The following TP53I11 variants were observed in gnomAD, a reference collection of about 807,000 sequenced individuals.
TP53I11 encodes the protein tumor protein p53-inducible protein 11.
A neutral mutation model predicts 23.3 loss-of-function variants in TP53I11; 9 were observed. The observed-to-expected ratio is 0.39, with a 90% confidence interval of 0.23 to 0.67. The LOEUF (loss-of-function observed/expected upper bound fraction) is 0.67. Among genes scored for constraint, TP53I11 ranks in the 30% least tolerant of loss-of-function variants. The pLI is 0.48. For missense variants in TP53I11, 170 were observed against 255.2 expected, an observed-to-expected ratio of 0.67 and a Z score of 2.27; for synonymous variants, 100 against 106.1, an observed-to-expected ratio of 0.94 and a Z score of 0.35.
chr11:44,945,097 G>A (rs962910206), intron 1 of TP53I11, among the ~76,000 whole-genome samples: 3 of 152,206 alleles, frequency 2.0e-5, no homozygotes, highest in African/African-American at 7.2e-5. Flanking sequence ...CAGTGGCCAA[G>A]CCTCCCTGTG....
chr11:44,947,454 A>G (rs1302809432), intron 1 of TP53I11, among the ~76,000 whole-genome samples: 1 of 152,068 alleles, frequency 6.6e-6, no homozygotes, highest in Non-Finnish European at 1.5e-5. Context: ...AGGAACTTAG[A>G]GGGGAGAAGA....
At chr11:44,941,685 G>A (rs116116289) in intron 1 of TP53I11, among the ~76,000 whole-genome samples, 1 of 152,110 alleles carries the variant, frequency 6.6e-6, no homozygotes, top group Non-Finnish European at 1.5e-5. Context: ...CACAGACACT[G>A]CCACCCTCCC....
At chr11:44,940,334 T>C (rs1861627183) in intron 1 of TP53I11, among the ~76,000 whole-genome samples, 1 of 152,226 alleles carries the variant, frequency 6.6e-6, no homozygotes, top group East Asian at 1.9e-4. Flanking sequence ...CACGTATAGA[T>C]TTTTGTAGCC....
Position 44,942,891 on chromosome 11 carries a change from C to T in TP53I11, c.-31-4525G>A, listed in dbSNP as rs544908670. ...AGCAGCCCCTCACCTGCCCCACTGG[C>T]GAGGCAAGCTGCACACACCCCTGAG... On this transcript the variant is annotated intron_variant, in intron 1 of 6. Coordinates refer to ENST00000525680, the MANE Select transcript of TP53I11 (RefSeq NM_006034.5). Among the ~76,000 whole-genome samples, 3 of 152,306 alleles carry T rather than the reference C, an allele frequency of 2.0e-5. No homozygotes were observed. The East Asian group carries it at 5.8e-4, about 29-fold the overall frequency.
chr11:44,934,883 A>G lies in TP53I11; in HGVS notation c.*1T>C. On this transcript the variant is annotated 3_prime_UTR_variant, in exon 7 of 7. Transcript: ENST00000525680. ...GGCAGGGCCCCAGGCCCAGCGGGCAACTAGGCCTTCTTGGGTCTTCGGCCG... is the reference window on the plus strand; with the variant it reads ...GGCAGGGCCCCAGGCCCAGCGGGCAGCTAGGCCTTCTTGGGTCTTCGGCCG... 6.2e-7 allele frequency: 1 copy of G among 1,613,986 alleles called. No individual in the cohort carries two copies. The highest frequency in any genetic ancestry group is 8.5e-7 in the Non-Finnish European group (1 of 1,179,916).
upstream of TP53I11, chr11:44,951,014 C>A (rs1002359599): frequency 2.0e-5 from 3 of 151,972 alleles, no homozygotes; most frequent in African/African-American, 7.2e-5. Context: ...GGCGGGGAAA[C>A]CAGGCTCCCG....
At chr11:44,938,776 G>A (rs1458075042) in intron 1 of TP53I11, among the ~76,000 whole-genome samples, 2 of 152,112 alleles carry the variant, frequency 1.3e-5, no homozygotes, top group East Asian at 3.9e-4. Flanking sequence ...CCAAGCCTGG[G>A]GCAGGGGCTT....
At chr11:44,941,528 G>A (rs558753260) in intron 1 of TP53I11, among the ~76,000 whole-genome samples, 9 of 152,242 alleles carry the variant, frequency 5.9e-5, no homozygotes, top group Middle Eastern at 3.4e-3. Flanking sequence ...TAACCTCTAC[G>A]TGCCTCAGTC....
In TP53I11 at chr11:44,937,351, C is replaced by A. The variant is rs778331023; in HGVS notation, c.190G>T (p.Val64Phe). ...AGCACAGCAGAGACGAACTGCCAGA[C>A]CCTGGGAGGCGTGGAAAGAAGATCA... is the stretch of plus-strand genomic sequence containing the variant. The part of the protein sequence containing the change: ...FTIREPLGLR[V>F]WQFVSAVLFS... Residue 64 changes from valine to phenylalanine, a missense_variant and splice_region_variant, in exon 4 of 7, where the codon GTC (valine) becomes TTC (phenylalanine). Physicochemically the swap from Val to Phe is conservative, Grantham distance 50 (BLOSUM62 -1). Transcript: ENST00000525680. 4.1e-6 allele frequency: 6 copies of A among 1,477,560 alleles called. No homozygotes were observed. The highest frequency in any genetic ancestry group is 2.8e-5 in the South Asian group (2 of 71,266). 91.5% of individuals were successfully genotyped at this position (1,477,560 alleles called of 1,614,324 possible).
In TP53I11 at chr11:44,935,681, AGG is replaced by A. The variant is rs765451301; in HGVS notation, c.335-21_335-20del. 1 of 538,936 alleles carries A rather than the reference AGG, an allele frequency of 1.9e-6. No homozygotes were observed. Among genetic ancestry groups the A allele is most frequent in the Admixed American group, 2.8e-5 (1 of 35,730 alleles). 33.4% of individuals were successfully genotyped at this position (538,936 alleles called of 1,614,324 possible). A position where few individuals can be genotyped will look rare whatever the true frequency, so the allele number is the denominator to read the frequency against. ...GAGATGCCTGGGGCGGGGGATGAAAAGGGGGCTGGGGGTGGGACAGCTGACTC... is the reference window on the plus strand; with the variant it reads ...GAGATGCCTGGGGCGGGGGATGAAAAGGGCTGGGGGTGGGACAGCTGACTC... On this transcript the variant is annotated intron_variant, in intron 5 of 6. Coordinates refer to ENST00000525680, the MANE Select transcript of TP53I11 (RefSeq NM_006034.5).
intron 1 of TP53I11, chr11:44,943,228 G>A (rs1862066966): frequency 2.0e-5 from 3 of 152,296 alleles, no homozygotes; most frequent in Admixed American, 2.0e-4. Flanking sequence ...GCCCAGGGAG[G>A]AGTCTGGCCC....
At chr11:44,944,633 C>T (rs77106175) in intron 1 of TP53I11, among the ~76,000 whole-genome samples, 4,322 of 152,256 alleles carry the variant, frequency 0.028, 135 homozygotes, top group East Asian at 0.15. Flanking sequence ...AAAACTTGGG[C>T]TCAAATCCCT....
At chr11:44,942,637 C>T (rs893301432) in intron 1 of TP53I11, among the ~76,000 whole-genome samples, 2 of 152,196 alleles carry the variant, frequency 1.3e-5, no homozygotes, top group African/African-American at 4.8e-5. Context: ...CGGGCACTGC[C>T]ATCAGACATC....
At chr11:44,943,022 TG>T (rs1862044667) in intron 1 of TP53I11, 1 of 152,278 alleles carries the variant, frequency 6.6e-6, no homozygotes, top group Admixed American at 6.5e-5. Context: ...ACCCCGGCTT[TG>T]GGGGCAGGGG....
At chr11:44,947,366 G>T in intron 1 of TP53I11, 1 of 329,978 alleles carries the variant, frequency 3.0e-6, no homozygotes, top group South Asian at 2.4e-5. Flanking sequence ...TAGGGGTCTG[G>T]TGAGAATGCA....
intron 1 of TP53I11, chr11:44,939,073 C>G (rs1275783433): frequency 6.6e-6 from 1 of 152,314 alleles, no homozygotes; most frequent in Non-Finnish European, 1.5e-5. Flanking sequence ...CCCCACTCCC[C>G]CACCGCCAGC....
At chr11:44,937,089 G>A in intron 4 of TP53I11, 190 bp from the exon 5 acceptor site, 1 of 758,584 alleles carries the variant, frequency 1.3e-6, no homozygotes, top group Non-Finnish European at 2.2e-6. Flanking sequence ...GTTCCTGGGA[G>A]AAGGAGTCAG....
intron 1 of TP53I11, among the ~76,000 whole-genome samples, chr11:44,949,415 C>A (rs1862712153): frequency 6.6e-6 from 1 of 152,130 alleles, no homozygotes; most frequent in Non-Finnish European, 1.5e-5. Flanking sequence ...AGAAACCAAT[C>A]AGGAAGTGCA....
At position 44,938,332 on chromosome 11, in the gene TP53I11, C is replaced by T; in HGVS notation, c.4G>A (p.Ala2Thr). M[A>T]AKQPPPLMKK... ...ATCAGAGGCGGGGGCTGCTTGGCCG[C>T]CATCTTCTCCTCCAGCCCGGCCTCT... Residue 2 changes from alanine to threonine, a missense_variant, in exon 2 of 7, where the codon GCG becomes ACG. Coordinates refer to ENST00000525680, the MANE Select transcript of TP53I11 (RefSeq NM_006034.5). 6.3e-7 allele frequency: 1 copy of T among 1,599,106 alleles called. No individual in the cohort carries two copies. Among genetic ancestry groups the T allele is most frequent in the Non-Finnish European group, 8.5e-7 (1 of 1,173,278 alleles).
Sources: allele counts gnomAD v4.1 joint callset (sites outside exome capture counted in the v4.1 genomes callset), GRCh38; gene constraint gnomAD v4.1.1; transcripts MANE v1.5; gene names NCBI Gene and HGNC (gene_info 2026-07-23, HGNC 2026-07-21).